The following CPS1 variants were observed in gnomAD, a reference collection of about 807,000 sequenced individuals.
CPS1 encodes carbamoyl-phosphate synthase [ammonia], mitochondrial.
A neutral mutation model predicts 174.6 loss-of-function variants in CPS1; 109 were observed. That is an observed-to-expected ratio of 0.62 (90% CI 0.53 to 0.73). The LOEUF (loss-of-function observed/expected upper bound fraction) is 0.73, where lower values mean the gene tolerates loss of function less well. Among genes scored for constraint, CPS1 ranks in the 30% least tolerant of loss-of-function variants. The probability of loss-of-function intolerance (pLI) is 0.00; values close to 1 mark genes in which losing one functional copy is unlikely to be tolerated. For synonymous variants in CPS1, 637 were observed against 632.0 expected, an observed-to-expected ratio of 1.01 and a Z score of -0.12; for missense variants, 1,689 against 1,821.9, an observed-to-expected ratio of 0.93 and a Z score of 1.33.
chr2:210,498,847 A>G (rs1695071510), intron 1 of CPS1, among the ~76,000 whole-genome samples: 1 of 151,470 alleles, frequency 6.6e-6, no homozygotes, highest in Admixed American at 6.6e-5. Context: ...AGGGCGGGAG[A>G]GCTCAGGCTG....
chr2:210,549,327 C>T (rs17773128), intron 1 of CPS1, among the ~76,000 whole-genome samples: 8,636 of 152,098 alleles, frequency 0.057, 354 homozygotes, highest in Non-Finnish European at 0.086. Context: ...CAATGATAAT[C>T]GTTGTGCAAA....
chr2:210,593,135 A>T (rs1269362094), intron 11 of CPS1, among the ~76,000 whole-genome samples, 179 bp downstream of exon 11: 1 of 151,984 alleles, frequency 6.6e-6, no homozygotes, highest in African/African-American at 2.4e-5. Flanking sequence ...GGAAATTTTT[A>T]TCTTTTTTAA....
intron 19 of CPS1, among the ~76,000 whole-genome samples, chr2:210,608,963 A>G (rs946694939): frequency 6.6e-6 from 1 of 151,948 alleles, no homozygotes; most frequent in East Asian, 1.9e-4. Flanking sequence ...TAAGAATTCA[A>G]CTTTAGTCCA....
chr2:210,518,754 T>C (rs1288166683), intron 1 of CPS1, among the ~76,000 whole-genome samples: 1 of 151,968 alleles, frequency 6.6e-6, no homozygotes, highest in Non-Finnish European at 1.5e-5. Context: ...TATTACAAAA[T>C]ACAAACAAAA....
intron 2 of CPS1, among the ~76,000 whole-genome samples, chr2:210,576,053 A>T (rs1368894977): frequency 6.6e-6 from 1 of 152,088 alleles, no homozygotes; most frequent in African/African-American, 2.4e-5. Context: ...AAAAATTAAG[A>T]TGCTAGCAAG....
At chr2:210,644,567 A>G (rs72936197) in intron 25 of CPS1, among the ~76,000 whole-genome samples, 1 of 152,154 alleles carries the variant, frequency 6.6e-6, no homozygotes, top group Non-Finnish European at 1.5e-5. Context: ...AATTTTATAA[A>G]TTGGAGATAA....
At chr2:210,505,129 T>A (rs1361123424) in intron 1 of CPS1, among the ~76,000 whole-genome samples, 1 of 151,966 alleles carries the variant, frequency 6.6e-6, no homozygotes, top group Non-Finnish European at 1.5e-5. Context: ...AGCAGACAGC[T>A]TTCTGAAATG....
At chr2:210,585,880 A>G (rs553085892) in intron 6 of CPS1, among the ~76,000 whole-genome samples, 1 of 151,832 alleles carries the variant, frequency 6.6e-6, no homozygotes, top group East Asian at 2.0e-4. Flanking sequence ...CTCCTGTGAC[A>G]AAACCTTGTC....
chr2:210,593,816 GTAT>G, intron 11 of CPS1: 1 of 294,332 alleles, frequency 3.4e-6, no homozygotes, highest in Non-Finnish European at 5.0e-6. Context: ...GCCAAAATCA[GTAT>G]TATATTACCA....
chr2:210,604,906 C>A (rs2105846943), intron 16 of CPS1, 196 bp from the exon 17 acceptor site: 1 of 591,998 alleles, frequency 1.7e-6, no homozygotes, highest in South Asian at 2.0e-5. Context: ...GTAAATCAAG[C>A]ATATTCACTG....
chr2:210,480,529 C>T (rs1694538373), intron 1 of CPS1, among the ~76,000 whole-genome samples: 1 of 152,146 alleles, frequency 6.6e-6, no homozygotes, highest in Admixed American at 6.5e-5. Context: ...AGCAACCATG[C>T]CTTCTCTGTT....
At chr2:210,507,271 G>C (rs10200340) in intron 1 of CPS1, among the ~76,000 whole-genome samples, 92,323 of 151,378 alleles carry the variant, frequency 0.61, 28,495 homozygotes, top group South Asian at 0.68. Flanking sequence ...CTTATCCAGT[G>C]AAACTAAGCT....
intron 17 of CPS1, 109 bp downstream of exon 17, chr2:210,605,355 A>T: frequency 8.5e-7 from 1 of 1,182,908 alleles, no homozygotes; most frequent in Non-Finnish European, 1.3e-6. Context: ...TCTAGTTGAC[A>T]GACTAGTGAT....
chr2:210,602,203 T>C lies in CPS1; in HGVS notation c.1709T>C (p.Ile570Thr). Residue 570 changes from isoleucine to threonine, a missense_variant and splice_region_variant, in exon 16 of 38, where the codon ATT (isoleucine) becomes ACT (threonine). Physicochemically the swap from Ile to Thr is moderately conservative, Grantham distance 89. Transcript: ENST00000233072. ...KIAPSFAVES[I>T]EDALKAADTI... ...TTGAGTCCTTGTTCTTGTTGACAGA[T>C]TGAGGATGCACTGAAGGCAGCAGAC... 1 of 1,612,230 alleles carries C rather than the reference T, an allele frequency of 6.2e-7. No individual in the cohort carries two copies. Among genetic ancestry groups the C allele is most frequent in the East Asian group, 2.2e-5 (1 of 44,652 alleles).
At chr2:210,555,669 C>G (rs1696891288), upstream of CPS1, 1 of 455,368 alleles carries the variant, frequency 2.2e-6, no homozygotes, top group African/African-American at 2.0e-5. Context: ...AGTCTATTGC[C>G]TTTATTCCTT....
intron 31 of CPS1, among the ~76,000 whole-genome samples, chr2:210,658,969 C>T (rs983219501): frequency 5.3e-5 from 8 of 152,078 alleles, no homozygotes; most frequent in Middle Eastern, 3.2e-3. Context: ...TAGATGGATA[C>T]GGTGAGACAG....
At chr2:210,577,292 C>CTTTTTT in intron 3 of CPS1, 129 bp from the exon 4 acceptor site, 1 of 717,236 alleles carries the variant, frequency 1.4e-6, no homozygotes, top group Non-Finnish European at 2.4e-6. Context: ...TTTTTTGCCT[C>CTTTTTT]TTGTTTTTAA....
At chr2:210,500,170 C>T (rs1695103457) in intron 1 of CPS1, among the ~76,000 whole-genome samples, 1 of 152,090 alleles carries the variant, frequency 6.6e-6, no homozygotes, top group Admixed American at 6.6e-5. Context: ...ATTCAATTAT[C>T]TCCACCTGAT....
chr2:210,626,405 A>G (rs1329311822), intron 21 of CPS1, among the ~76,000 whole-genome samples: 2 of 152,146 alleles, frequency 1.3e-5, no homozygotes, highest in Non-Finnish European at 2.9e-5. Context: ...AAGGGATTGA[A>G]TTCACAAAAT....
Sources: gnomAD v4.1 joint callset for allele counts (sites outside exome capture counted in the v4.1 genomes callset) on GRCh38, gnomAD v4.1.1 for gene constraint, MANE v1.5 for transcripts, NCBI Gene and HGNC (gene_info 2026-07-23, HGNC 2026-07-21) for gene names.